The following SCHIP1 variants were observed in gnomAD, a reference collection of about 807,000 sequenced individuals.
SCHIP1 encodes the protein schwannomin-interacting protein 1.
SCHIP1 carries 8 observed loss-of-function variants against 29.7 expected under a neutral mutation model. The observed-to-expected ratio is 0.27, with a 90% CI of 0.16 to 0.49. The LOEUF (loss-of-function observed/expected upper bound fraction) is 0.49. SCHIP1 is among the 20% of genes least tolerant of loss of function. SCHIP1 has a pLI of 0.99. For synonymous variants in SCHIP1, 76 were observed against 94.9 expected, an observed-to-expected ratio of 0.80 and a Z score of 1.16; for missense variants, 193 against 294.6, an observed-to-expected ratio of 0.66 and a Z score of 2.52.
chr3:159,625,687 G>A, the SCHIP1 span, among the ~76,000 whole-genome samples: 2,744 of 152,050 alleles, frequency 0.018, 101 homozygotes, highest in African/African-American at 0.064. Flanking sequence ...CCAGAAAGCT[G>A]GTTTGTCTGC....
chr3:159,335,417 G>A, the SCHIP1 span, among the ~76,000 whole-genome samples: 3 of 152,020 alleles, frequency 2.0e-5, no homozygotes, highest in African/African-American at 4.8e-5. Context: ...ATGTATACAT[G>A]TGCCATGTTG....
At chr3:159,283,441 C>A in the SCHIP1 span, among the ~76,000 whole-genome samples, 1 of 152,178 alleles carries the variant, frequency 6.6e-6, no homozygotes, top group Admixed American at 6.5e-5. Context: ...CAGGCGTGAA[C>A]CATCATGCCC....
At chr3:159,704,081 C>T in the SCHIP1 span, among the ~76,000 whole-genome samples, 9 of 152,108 alleles carry the variant, frequency 5.9e-5, no homozygotes, top group Non-Finnish European at 1.3e-4. Context: ...ACGTTGAGTG[C>T]CAGAGGCTAA....
At chr3:159,671,928 G>C in the SCHIP1 span, among the ~76,000 whole-genome samples, 1 of 152,102 alleles carries the variant, frequency 6.6e-6, no homozygotes, top group Non-Finnish European at 1.5e-5. Flanking sequence ...GGAGTGACCT[G>C]CAATTCCACA....
chr3:159,386,791 G>A, the SCHIP1 span: 4 of 152,516 alleles, frequency 2.6e-5, no homozygotes, highest in Middle Eastern at 3.4e-3. Context: ...TGGGTCCTGT[G>A]TGTGGAAACT....
intron 1 of SCHIP1, among the ~76,000 whole-genome samples, chr3:159,850,236 A>G (rs1446150309): frequency 6.6e-6 from 1 of 152,140 alleles, no homozygotes; most frequent in Non-Finnish European, 1.5e-5. Flanking sequence ...AGGGAGCTGT[A>G]TTAGTCCATT....
the SCHIP1 span, among the ~76,000 whole-genome samples, chr3:159,291,027 T>A: frequency 3.3e-5 from 5 of 152,116 alleles, no homozygotes; most frequent in Non-Finnish European, 7.4e-5. Context: ...TTAGTGCACC[T>A]AGTTTGTGGT....
chr3:159,327,478 C>A, the SCHIP1 span, among the ~76,000 whole-genome samples: 2 of 152,302 alleles, frequency 1.3e-5, no homozygotes, highest in East Asian at 3.9e-4. Context: ...GAACACAAGT[C>A]ACAGACCCCA....
At chr3:159,632,213 C>G in the SCHIP1 span, among the ~76,000 whole-genome samples, 3 of 152,114 alleles carry the variant, frequency 2.0e-5, no homozygotes, top group South Asian at 2.1e-4. Context: ...GGAGATGTAG[C>G]CTGAATCCGG....
chr3:159,773,836 C>A, the SCHIP1 span, among the ~76,000 whole-genome samples: 1 of 152,182 alleles, frequency 6.6e-6, no homozygotes, highest in African/African-American at 2.4e-5. Flanking sequence ...CAAGTGAAGA[C>A]AGATTTTGTT....
At chr3:159,739,027 T>G in the SCHIP1 span, among the ~76,000 whole-genome samples, 1 of 152,200 alleles carries the variant, frequency 6.6e-6, no homozygotes, top group South Asian at 2.1e-4. Flanking sequence ...CCTCTCTATT[T>G]CTGCCTAGAA....
At chr3:159,776,928 G>C in the SCHIP1 span, among the ~76,000 whole-genome samples, 2 of 152,116 alleles carry the variant, frequency 1.3e-5, no homozygotes, top group Admixed American at 1.3e-4. Context: ...TGGAGCAGTG[G>C]GCCCAGTGGG....
chr3:159,770,802 T>A, the SCHIP1 span, among the ~76,000 whole-genome samples: 1 of 152,184 alleles, frequency 6.6e-6, no homozygotes, highest in Non-Finnish European at 1.5e-5. Flanking sequence ...GCTCCCTCCC[T>A]CTTAAGAGAA....
chr3:159,635,724 GCTTA>G, the SCHIP1 span, among the ~76,000 whole-genome samples: 1 of 152,116 alleles, frequency 6.6e-6, no homozygotes, highest in Admixed American at 6.5e-5. Context: ...CAACATTTCA[GCTTA>G]CTCTCATTTG....
the SCHIP1 span, among the ~76,000 whole-genome samples, chr3:159,609,663 G>A: frequency 6.6e-6 from 1 of 152,230 alleles, no homozygotes; most frequent in South Asian, 2.1e-4. Context: ...CCACTAGGTG[G>A]GAGATGGAAC....
rs182393939 is a variant in SCHIP1 at position 159,854,372 on chromosome 3, A to G, written c.31-11791A>G. 2.6e-5 allele frequency among the ~76,000 whole-genome samples: 4 copies of G among 152,324 alleles called. No homozygotes were observed. In the East Asian group the frequency reaches 7.7e-4, roughly 29 times the overall value. On this transcript the variant is annotated intron_variant, in intron 1 of 6. Coordinates refer to ENST00000445224, the Ensembl canonical transcript of SCHIP1. ...TAAAATATGGTAGTTTATATCTTAT[A>G]TACATATATGTGTGTGTGTGAGTGT...
chr3:159,540,157 C>T, the SCHIP1 span, among the ~76,000 whole-genome samples: 1 of 151,992 alleles, frequency 6.6e-6, no homozygotes, highest in African/African-American at 2.4e-5. Flanking sequence ...CATCCCGTTG[C>T]ATTATATCAT....
intron 6 of SCHIP1, among the ~76,000 whole-genome samples, chr3:159,896,259 C>T (rs576312512): frequency 3.3e-5 from 5 of 152,206 alleles, no homozygotes; most frequent in Middle Eastern, 6.8e-3. Flanking sequence ...ATCATAATAC[C>T]ATGTTTCGAC....
chr3:159,345,587 T>A, the SCHIP1 span, among the ~76,000 whole-genome samples: 5 of 151,552 alleles, frequency 3.3e-5, no homozygotes, highest in African/African-American at 1.2e-4. Flanking sequence ...TCTCACTCAC[T>A]CATTCACTCA....
Sources: allele counts gnomAD v4.1 joint callset (sites outside exome capture counted in the v4.1 genomes callset), GRCh38; gene constraint gnomAD v4.1.1; transcripts MANE v1.5; gene names NCBI Gene and HGNC (gene_info 2026-07-23, HGNC 2026-07-21).